Variants in CCSER1 observed in about 807,000 individuals in gnomAD.
CCSER1 encodes coiled-coil serine rich protein 1.
In CCSER1, 41 loss-of-function variants were observed where a neutral mutation model predicts 82.0. The observed-to-expected ratio is 0.50, with a 90% CI of 0.39 to 0.65. The LOEUF is 0.65. Among genes scored for constraint, CCSER1 ranks in the 30% least tolerant of loss-of-function variants. The pLI, the probability that CCSER1 is intolerant of heterozygous loss-of-function variation, is 0.00. For missense variants in CCSER1, 1,119 were observed against 1,064.2 expected, an observed-to-expected ratio of 1.05 and a Z score of -0.72; for synonymous variants, 414 against 383.9, an observed-to-expected ratio of 1.08 and a Z score of -0.92.
intron 6 of CCSER1, among the ~76,000 whole-genome samples, chr4:90,655,276 C>G (rs1353291031): frequency 6.6e-6 from 1 of 151,912 alleles, no homozygotes; most frequent in Non-Finnish European, 1.5e-5. Context: ...CAGCTGCTCT[C>G]TTTAAATTAT....
At chr4:90,711,054 T>C (rs1740512905) in intron 6 of CCSER1, among the ~76,000 whole-genome samples, 1 of 152,126 alleles carries the variant, frequency 6.6e-6, no homozygotes, top group African/African-American at 2.4e-5. Context: ...ACTTCCCTTG[T>C]TAGCTGTATT....
chr4:90,995,304 T>A (rs1737396968), intron 9 of CCSER1, among the ~76,000 whole-genome samples: 1 of 152,104 alleles, frequency 6.6e-6, no homozygotes, highest in African/African-American at 2.4e-5. Flanking sequence ...ATTTTAAGCT[T>A]TCATGATATA....
chr4:91,233,693 C>T (rs1738790155), intron 10 of CCSER1, among the ~76,000 whole-genome samples: 1 of 151,826 alleles, frequency 6.6e-6, no homozygotes, highest in Non-Finnish European at 1.5e-5. Context: ...ATCCTACAAA[C>T]TAAACAAAGG....
intron 10 of CCSER1, among the ~76,000 whole-genome samples, chr4:91,338,232 T>C (rs1357367169): frequency 6.6e-6 from 1 of 152,156 alleles, no homozygotes; most frequent in Non-Finnish European, 1.5e-5. Flanking sequence ...TGACAGTTAT[T>C]ATAAAAGCTG....
At chr4:91,256,860 C>T (rs867645392) in intron 10 of CCSER1, among the ~76,000 whole-genome samples, 7 of 152,312 alleles carry the variant, frequency 4.6e-5, no homozygotes, top group Non-Finnish European at 4.4e-5. Flanking sequence ...ACCTCTTCTT[C>T]TTGGGAAGAA....
At chr4:91,456,026 C>A (rs111752415) in intron 10 of CCSER1, among the ~76,000 whole-genome samples, 1,548 of 152,084 alleles carry the variant, frequency 0.01, 11 homozygotes, top group Middle Eastern at 0.02. Flanking sequence ...TTGTCTTAGT[C>A]AGTTTGGGCT....
At chr4:90,813,843 CTA>C (rs1336870909) in intron 7 of CCSER1, among the ~76,000 whole-genome samples, 4 of 152,118 alleles carry the variant, frequency 2.6e-5, no homozygotes, top group African/African-American at 9.7e-5. Flanking sequence ...GTTGGTGGAT[CTA>C]TGATTCTGGG....
At chr4:91,056,641 A>G (rs919912446) in intron 9 of CCSER1, among the ~76,000 whole-genome samples, 1 of 152,208 alleles carries the variant, frequency 6.6e-6, no homozygotes, top group African/African-American at 2.4e-5. Context: ...CATTCAGATC[A>G]TAGCATAAGC....
chr4:90,501,512 C>A (rs1373843194), intron 5 of CCSER1, among the ~76,000 whole-genome samples: 1 of 152,168 alleles, frequency 6.6e-6, no homozygotes, highest in Non-Finnish European at 1.5e-5. Context: ...CCACAACAAC[C>A]AGCTTTGTCC....
chr4:91,274,444 T>C (rs888251688), intron 10 of CCSER1, among the ~76,000 whole-genome samples: 3 of 152,160 alleles, frequency 2.0e-5, no homozygotes, highest in African/African-American at 7.2e-5. Context: ...TAACTGTATG[T>C]TTATACCCAT....
intron 10 of CCSER1, among the ~76,000 whole-genome samples, chr4:91,570,964 A>G (rs533559254): frequency 2.0e-5 from 3 of 152,136 alleles, no homozygotes; most frequent in African/African-American, 7.2e-5. Flanking sequence ...TCCATCAGAT[A>G]CTCTAAATCA....
At chr4:90,236,323 T>A (rs974274479) in intron 1 of CCSER1, among the ~76,000 whole-genome samples, 1 of 152,214 alleles carries the variant, frequency 6.6e-6, no homozygotes, top group African/African-American at 2.4e-5. Flanking sequence ...AACTTTTTTC[T>A]TAATCGAGAA....
rs146247124 is a variant in CCSER1 at position 91,418,217 on chromosome 4, G to A, written c.2218-180355G>A. 2.1e-4 allele frequency among the ~76,000 whole-genome samples: 28 copies of A among 134,984 alleles called. No individual in the cohort carries two copies. The East Asian group carries it at 6.2e-3, about 30-fold the overall frequency. The allele number at this position is 134,984 out of a possible 152,430, so 88.6% of individuals were successfully genotyped here. ...TAAGCCCAAAGTTAGCATCAGGAAA[G>A]AAATAATACAGATTAGAACTGAAAT... On this transcript the variant is annotated intron_variant, in intron 10 of 10. Transcript: ENST00000509176.
intron 10 of CCSER1, among the ~76,000 whole-genome samples, chr4:91,182,217 T>C (rs1246158626): frequency 1.3e-5 from 2 of 152,338 alleles, no homozygotes; most frequent in East Asian, 3.9e-4. Context: ...CCTCAGCATC[T>C]GGCTCATGAT....
chr4:90,984,557 C>T lies in CCSER1; in HGVS notation c.2172+61110C>T, dbSNP rs549078075. ...GGGAGTTTGTTTGGGAGAGTCTAAA[C>T]AAGTGTCTCTTAGTTGAGTTAGCCC... is the stretch of plus-strand genomic sequence containing the variant. On this transcript the variant is annotated intron_variant, in intron 9 of 10. Transcript: ENST00000509176. 6.6e-5 allele frequency among the ~76,000 whole-genome samples: 10 copies of T among 151,754 alleles called. No individual in the cohort carries two copies. The East Asian group carries it at 2.0e-3, about 30-fold the overall frequency.
intron 9 of CCSER1, among the ~76,000 whole-genome samples, chr4:91,008,952 TG>T (rs1321003756): frequency 2.0e-5 from 3 of 152,190 alleles, no homozygotes; most frequent in Non-Finnish European, 1.5e-5. Flanking sequence ...GGGAACCCAG[TG>T]ACTAGTGTTC....
intron 4 of CCSER1, among the ~76,000 whole-genome samples, chr4:90,448,271 A>G (rs749645052): frequency 2.0e-5 from 3 of 151,646 alleles, no homozygotes; most frequent in Non-Finnish European, 4.4e-5. Flanking sequence ...TTATGTTTGG[A>G]TAATTCACAA....
chr4:91,199,976 CT>C (rs968155660), intron 10 of CCSER1, among the ~76,000 whole-genome samples: 1 of 151,770 alleles, frequency 6.6e-6, no homozygotes, highest in Non-Finnish European at 1.5e-5. Flanking sequence ...AGAGAATTGT[CT>C]TTTTTTAGTA....
intron 4 of CCSER1, among the ~76,000 whole-genome samples, chr4:90,463,468 A>G (rs1338745770): frequency 6.6e-6 from 1 of 152,212 alleles, no homozygotes; most frequent in Non-Finnish European, 1.5e-5. Flanking sequence ...AAGGGTAAAA[A>G]CAATACAGTA....
Sources: gnomAD v4.1 joint callset for allele counts (sites outside exome capture counted in the v4.1 genomes callset) on GRCh38, gnomAD v4.1.1 for gene constraint, MANE v1.5 for transcripts, NCBI Gene and HGNC (gene_info 2026-07-23, HGNC 2026-07-21) for gene names.